The following HMCN1 variants were observed in gnomAD, a reference collection of about 807,000 sequenced individuals.
The protein encoded by HMCN1 is hemicentin-1.
A neutral mutation model predicts 625.9 loss-of-function variants in HMCN1; 321 were observed. That is an observed-to-expected ratio of 0.51 (90% CI 0.47 to 0.56). HMCN1 has a LOEUF of 0.56. Ranked by LOEUF, HMCN1 falls within the 20% of genes least tolerant of loss-of-function variation. HMCN1 has a pLI of 0.00. For synonymous variants in HMCN1, 2,425 were observed against 2,417.6 expected (o/e 1.00, Z -0.09); for missense variants, 6,588 against 6,887.3 (o/e 0.96, Z 1.54).
rs1657269997 is a variant in HMCN1, at chr1:186,055,690, C to T, written c.7144+16C>T. ...AGTGTCCATGGTAAGTAGAAAGAGG[C>T]TCAATATGTCCATTCACTGGCTAAC... On this transcript the variant is annotated intron_variant, in intron 45 of 106. Coordinates refer to ENST00000271588, the MANE Select transcript of HMCN1 (RefSeq NM_031935.3). 6.2e-7 allele frequency: 1 copy of T among 1,610,870 alleles called. No individual in the cohort carries two copies. Among genetic ancestry groups the T allele is most frequent in the African/African-American group, 1.3e-5 (1 of 74,754 alleles).
Position 185,778,152 on chromosome 1 carries a change from T to C in HMCN1, c.268+43105T>C, listed in dbSNP as rs185087534. On this transcript the variant is annotated intron_variant, in intron 1 of 106. Transcript: ENST00000271588. ...AGATAATTAGCCCTAAGTGTTCACTTGCCCTGATTAATCCCAGCAGCTCTT... is the reference window on the plus strand; with the variant it reads ...AGATAATTAGCCCTAAGTGTTCACTCGCCCTGATTAATCCCAGCAGCTCTT... 3.0e-4 allele frequency among the ~76,000 whole-genome samples: 45 copies of C among 152,296 alleles called. 1 individual carries two copies. In the East Asian group the frequency reaches 7.5e-3, roughly 26 times the overall value.
chr1:185,877,321 C>CTTTTTTTTTTTTTTTTTTTT lies in HMCN1; in HGVS notation c.621+11469_621+11488dup, dbSNP rs71557837. ...CTATTTCATTGATCTATGTGTCTTT[C>CTTTTTTTTTTTTTTTTTTTT]TTTTTTTTTTTTTTTTTTTTTTTTT... is the stretch of plus-strand genomic sequence containing the variant. On this transcript the variant is annotated intron_variant, in intron 4 of 106. Transcript: ENST00000271588. 1.1e-4 allele frequency among the ~76,000 whole-genome samples: 4 copies of CTTTTTTTTTTTTTTTTTTTT among 34,910 alleles called. 1 individual carries two copies. Among genetic ancestry groups the CTTTTTTTTTTTTTTTTTTTT allele is most frequent in the Non-Finnish European group, 2.1e-4 (4 of 18,730 alleles). 22.9% of individuals were successfully genotyped at this position (34,910 alleles called of 152,430 possible).
At chr1:185,769,177 G>C (rs1656064853) in intron 1 of HMCN1, among the ~76,000 whole-genome samples, 1 of 152,134 alleles carries the variant, frequency 6.6e-6, no homozygotes, top group African/African-American at 2.4e-5. Flanking sequence ...GCCAGGTGCA[G>C]TGGCTCACAC....
intron 81 of HMCN1, 139 bp downstream of exon 81, chr1:186,123,359 G>T: frequency 1.0e-6 from 1 of 1,002,686 alleles, no homozygotes; most frequent in Non-Finnish European, 1.5e-6. Context: ...TGGTGTGTAG[G>T]TGCACTTCAA....
In HMCN1 at chr1:186,116,548, C is replaced by T. The variant is rs552409801; in HGVS notation, c.11562-446C>T. 9.1e-4 allele frequency among the ~76,000 whole-genome samples: 138 copies of T among 151,984 alleles called. 2 individuals carry two copies. Among genetic ancestry groups the T allele is most frequent in the African/African-American group, 3.1e-3 (130 of 41,474 alleles). On this transcript the variant is annotated intron_variant, in intron 75 of 106. Coordinates refer to ENST00000271588, the MANE Select transcript of HMCN1 (RefSeq NM_031935.3). The stretch of plus-strand genomic sequence containing the variant: ...CACAGACTTGTCATTAGCCATCTGT[C>T]AATGGAAATAAACAAATATCAACCT...
intron 7 of HMCN1, 85 bp from the exon 8 acceptor site, chr1:185,923,305 A>G (rs1667089909): frequency 2.9e-6 from 3 of 1,052,404 alleles, no homozygotes; most frequent in South Asian, 1.3e-5. Context: ...TGGTACTCAT[A>G]TATTATTATC....
intron 2 of HMCN1, among the ~76,000 whole-genome samples, chr1:185,849,391 T>C (rs1193606612): frequency 1.3e-5 from 2 of 152,200 alleles, no homozygotes; most frequent in Non-Finnish European, 2.9e-5. Flanking sequence ...CATTTCTCAC[T>C]ACCTTTCTCT....
chr1:186,053,463 A>T (rs1657102770), intron 43 of HMCN1, among the ~76,000 whole-genome samples: 1 of 151,996 alleles, frequency 6.6e-6, no homozygotes, highest in African/African-American at 2.4e-5. Flanking sequence ...CACACAATAG[A>T]TCTACGTAAT....
At chr1:185,920,033 A>C (rs1379277094) in intron 6 of HMCN1, among the ~76,000 whole-genome samples, 2 of 152,240 alleles carry the variant, frequency 1.3e-5, no homozygotes, top group Non-Finnish European at 2.9e-5. Context: ...AGGTGAAAAC[A>C]ATAGCTTACT....
chr1:186,098,434 A>G (rs941784065), intron 68 of HMCN1, among the ~76,000 whole-genome samples: 1 of 152,188 alleles, frequency 6.6e-6, no homozygotes, highest in Non-Finnish European at 1.5e-5. Flanking sequence ...AGGTATATGA[A>G]AAAAGCCTCA....
intron 68 of HMCN1, among the ~76,000 whole-genome samples, chr1:186,099,342 G>A (rs550700324): frequency 1.4e-4 from 21 of 152,126 alleles, no homozygotes; most frequent in Admixed American, 1.2e-3. Context: ...GTGCAGGGTG[G>A]GGTTGGGTAG....
rs1651355336 is a variant in HMCN1 at position 185,978,049 on chromosome 1, A to G, written c.2566+68A>G. On this transcript the variant is annotated intron_variant, in intron 16 of 106. Transcript: ENST00000271588. ...TGTTATATATTTATGTTTTATACAT[A>G]GGTATTGCTATTTAAAATAGTATAT... 4.5e-6 allele frequency: 5 copies of G among 1,102,108 alleles called. No individual in the cohort carries two copies. In the East Asian group the frequency reaches 1.3e-4, roughly 28 times the overall value. 68.3% of individuals were successfully genotyped at this position (1,102,108 alleles called of 1,614,324 possible). A position where few individuals can be genotyped will look rare whatever the true frequency, so the allele number is the denominator to read the frequency against.
intron 30 of HMCN1, 66 bp from the exon 31 acceptor site, chr1:186,015,093 C>T (rs1654271496): frequency 1.5e-6 from 2 of 1,365,140 alleles, no homozygotes; most frequent in Non-Finnish European, 1.0e-6. Flanking sequence ...ACATCTATAG[C>T]ATTTAAGATT....
At chr1:186,132,612 C>T (rs10911826) in intron 86 of HMCN1, among the ~76,000 whole-genome samples, 59,644 of 151,578 alleles carry the variant, frequency 0.39, 13,553 homozygotes, top group East Asian at 0.6. Context: ...TTTTATCTAA[C>T]GTATATAGTA....
rs199984579 is a variant in HMCN1 at position 186,115,276 on chromosome 1, C to T, written c.11423C>T (p.Pro3808Leu). 232 of 1,613,992 alleles carry T rather than the reference C, an allele frequency of 1.4e-4. No homozygotes were observed. Among genetic ancestry groups the T allele is most frequent in the Admixed American group, 3.3e-4 (20 of 60,012 alleles). The change falls in exon 75 of 107, where the codon CCG (proline) becomes CTG (leucine). Residue 3808 changes from proline (P) to leucine (L), a missense_variant. This residue lies in a region of HMCN1 where 4,628 missense variants were observed against 4,853.1 expected (regional missense o/e 0.95). Transcript: ENST00000271588. ...GTCTTAGTTCCTCCATCTATTGCTC[C>T]GGGTCCTACCAACATGACTGTAATA... is the stretch of plus-strand genomic sequence containing the variant. ...LQVHVPPSIAPGPTNMTVIVN... is the reference protein window; with the variant it reads ...LQVHVPPSIALGPTNMTVIVN...
At chr1:185,745,223 T>C (rs1468645032) in intron 1 of HMCN1, among the ~76,000 whole-genome samples, 1 of 152,078 alleles carries the variant, frequency 6.6e-6, no homozygotes, top group African/African-American at 2.4e-5. Flanking sequence ...ACCGAAAGTG[T>C]AGGGAATCGG....
At chr1:185,932,876 CAT>C (rs1215600736) in intron 10 of HMCN1, among the ~76,000 whole-genome samples, 7 of 152,132 alleles carry the variant, frequency 4.6e-5, no homozygotes, top group African/African-American at 1.2e-4. Flanking sequence ...ACTAGAGAAA[CAT>C]GTGATTCTCT....
intron 55 of HMCN1, among the ~76,000 whole-genome samples, chr1:186,079,304 TG>T (rs1212454643): frequency 6.6e-6 from 1 of 152,164 alleles, no homozygotes; most frequent in African/African-American, 2.4e-5. Flanking sequence ...TCTTTCTCTC[TG>T]GGGACGAGCT....
intron 1 of HMCN1, among the ~76,000 whole-genome samples, chr1:185,799,689 A>G (rs1658659540): frequency 6.6e-6 from 1 of 152,116 alleles, no homozygotes; most frequent in Admixed American, 6.5e-5. Flanking sequence ...CTGAGGTTTC[A>G]CAAAACTTGT....
Sources: gnomAD v4.1 joint callset for allele counts (sites outside exome capture counted in the v4.1 genomes callset) on GRCh38, gnomAD v4.1.1 for gene constraint, gnomAD v4.1.1 regional missense constraint, MANE v1.5 for transcripts, NCBI Gene and HGNC (gene_info 2026-07-23, HGNC 2026-07-21) for gene names.